The following HS3ST2 variants were observed in gnomAD, a reference collection of about 807,000 sequenced individuals.
The protein encoded by HS3ST2 is heparan sulfate-glucosamine 3-sulfotransferase 2.
Under a neutral mutation model 26.3 loss-of-function variants are expected in HS3ST2, and 17 were observed. The ratio of observed to expected loss-of-function variants is 0.65; its 90% CI spans 0.44 to 0.97. The LOEUF is 0.97. HS3ST2 is among the 50% of genes least tolerant of loss of function. The probability of loss-of-function intolerance (pLI) is 0.00; values close to 1 mark genes in which losing one functional copy is unlikely to be tolerated. For missense variants in HS3ST2, 402 were observed against 501.2 expected (o/e 0.80, Z 1.89); for synonymous variants, 237 against 219.2 (o/e 1.08, Z -0.72).
intron 1 of HS3ST2, among the ~76,000 whole-genome samples, chr16:22,877,845 G>A (rs189442740): frequency 4.1e-4 from 63 of 152,282 alleles, no homozygotes; most frequent in Non-Finnish European, 7.1e-4. Context: ...GCAACAATAC[G>A]GGTATTACAA....
At chr16:22,882,751 G>A (rs1902006457) in intron 1 of HS3ST2, among the ~76,000 whole-genome samples, 1 of 150,616 alleles carries the variant, frequency 6.6e-6, no homozygotes, top group Admixed American at 6.6e-5. Context: ...ACAAAAAAGA[G>A]GCTGGGCAGG....
At chr16:22,830,824 A>G (rs1050110189) in intron 1 of HS3ST2, among the ~76,000 whole-genome samples, 9 of 152,220 alleles carry the variant, frequency 5.9e-5, no homozygotes, top group African/African-American at 2.2e-4. Flanking sequence ...ACATATTTAC[A>G]AATAGTTCCA....
At chr16:22,887,831 C>T (rs1902082055) in intron 1 of HS3ST2, among the ~76,000 whole-genome samples, 1 of 151,566 alleles carries the variant, frequency 6.6e-6, no homozygotes, top group Admixed American at 6.6e-5. Context: ...TGCATACAGT[C>T]CCAGCTACTC....
chr16:22,829,241 C>A (rs1004809549), intron 1 of HS3ST2, among the ~76,000 whole-genome samples: 5 of 152,120 alleles, frequency 3.3e-5, no homozygotes, highest in African/African-American at 1.2e-4. Flanking sequence ...GAAGTAGTGA[C>A]GGCATCACAA....
intron 1 of HS3ST2, among the ~76,000 whole-genome samples, chr16:22,842,399 G>T (rs147807057): frequency 6.6e-6 from 1 of 151,848 alleles, no homozygotes; most frequent in Non-Finnish European, 1.5e-5. Context: ...GTCTAAACAT[G>T]GATTTGTTTA....
intron 1 of HS3ST2, among the ~76,000 whole-genome samples, chr16:22,831,332 T>C (rs1036499140): frequency 6.6e-6 from 1 of 152,222 alleles, no homozygotes; most frequent in African/African-American, 2.4e-5. Flanking sequence ...TTGGTTGTCA[T>C]TGTCTATCAA....
At chr16:22,826,463 C>T (rs1432968480) in intron 1 of HS3ST2, among the ~76,000 whole-genome samples, 2 of 152,186 alleles carry the variant, frequency 1.3e-5, no homozygotes, top group Non-Finnish European at 2.9e-5. Flanking sequence ...TCTATCTTTC[C>T]TCACCACCTT....
chr16:22,914,736 C>CA (rs1159639879), intron 1 of HS3ST2, among the ~76,000 whole-genome samples: 568 of 35,940 alleles, frequency 0.016, 66 homozygotes, highest in Middle Eastern at 0.062. Context: ...GACCTTGTCT[C>CA]AAAAAAAAAA....
At chr16:22,866,456 T>C (rs1002045492) in intron 1 of HS3ST2, among the ~76,000 whole-genome samples, 15 of 150,624 alleles carry the variant, frequency 1.0e-4, no homozygotes, top group Admixed American at 6.6e-5. Flanking sequence ...TGTTAAATAT[T>C]TGAATAAATA....
At chr16:22,890,333 G>C (rs1469267814) in intron 1 of HS3ST2, among the ~76,000 whole-genome samples, 3 of 152,086 alleles carry the variant, frequency 2.0e-5, no homozygotes, top group Admixed American at 2.0e-4. Flanking sequence ...CCATTGAAAT[G>C]TTTTTCACCA....
At chr16:22,897,479 C>T (rs974471383) in intron 1 of HS3ST2, among the ~76,000 whole-genome samples, 27 of 152,224 alleles carry the variant, frequency 1.8e-4, no homozygotes, top group African/African-American at 6.0e-4. Flanking sequence ...AATTGAAGGA[C>T]CAACTTTTTA....
intron 1 of HS3ST2, among the ~76,000 whole-genome samples, chr16:22,846,270 C>T (rs893507314): frequency 3.8e-5 from 5 of 131,662 alleles, no homozygotes; most frequent in African/African-American, 8.3e-5. Context: ...GAGTGAGACT[C>T]GATTTAAAAA....
At chr16:22,879,442 G>A (rs1020634551) in intron 1 of HS3ST2, among the ~76,000 whole-genome samples, 5 of 152,184 alleles carry the variant, frequency 3.3e-5, no homozygotes, top group Non-Finnish European at 5.9e-5. Flanking sequence ...CTTGCCAGGT[G>A]TTCTGCACCA....
intron 1 of HS3ST2, among the ~76,000 whole-genome samples, chr16:22,912,070 G>A (rs1170031760): frequency 1.3e-5 from 2 of 152,120 alleles, no homozygotes; most frequent in Non-Finnish European, 1.5e-5. Flanking sequence ...GCAGCAGTGA[G>A]CCCTGATGGC....
chr16:22,884,257 A>G (rs921816920), intron 1 of HS3ST2, among the ~76,000 whole-genome samples: 1 of 152,176 alleles, frequency 6.6e-6, no homozygotes, highest in Non-Finnish European at 1.5e-5. Flanking sequence ...TGACAACCCT[A>G]TGAATTATTA....
intron 1 of HS3ST2, among the ~76,000 whole-genome samples, chr16:22,823,424 A>G (rs1467130565): frequency 6.6e-6 from 1 of 152,184 alleles, no homozygotes; most frequent in Non-Finnish European, 1.5e-5. Context: ...TGTAGTACCT[A>G]AAATTACCAA....
At position 22,837,576 on chromosome 16, in the gene HS3ST2, TATAC is replaced by T. The variant is rs202175620; in HGVS notation, c.485+22483_485+22486del. Among the ~76,000 whole-genome samples the T allele has an allele frequency of 1.0e-3, 136 of 136,584 alleles. 1 individual carries two copies. The East Asian group carries it at 0.02, about 20-fold the overall frequency. The allele number at this position is 136,584 out of a possible 152,430, so 89.6% of individuals were successfully genotyped here. ...ATATGTATATATATACATATATATA[TATAC>T]ACACACACACGGACATATATATATT... On this transcript the variant is annotated intron_variant, in intron 1 of 1. Transcript: ENST00000261374.
At chr16:22,885,190 G>A (rs1183831865) in intron 1 of HS3ST2, among the ~76,000 whole-genome samples, 1 of 151,850 alleles carries the variant, frequency 6.6e-6, no homozygotes, top group African/African-American at 2.4e-5. Flanking sequence ...CCCATCCCCC[G>A]TTTTCCCTCT....
intron 1 of HS3ST2, among the ~76,000 whole-genome samples, chr16:22,860,654 G>T (rs576877953): frequency 2.6e-5 from 4 of 152,098 alleles, no homozygotes; most frequent in South Asian, 2.1e-4. Context: ...TTAGGCAATT[G>T]TTGGCTCCCA....
Sources: allele counts gnomAD v4.1 joint callset (sites outside exome capture counted in the v4.1 genomes callset), GRCh38; gene constraint gnomAD v4.1.1; transcripts MANE v1.5; gene names NCBI Gene and HGNC (gene_info 2026-07-23, HGNC 2026-07-21).